PDCL3: variants seen among roughly 807,000 people sequenced by gnomAD.
PDCL3 encodes phosducin like 3.
A neutral mutation model predicts 26.5 loss-of-function variants in PDCL3; 22 were observed. The ratio of observed to expected loss-of-function variants is 0.83; its 90% CI spans 0.59 to 1.19. The LOEUF is 1.19. Among genes scored for constraint, PDCL3 ranks in the 50% most tolerant of loss-of-function variants. The pLI, the probability that PDCL3 is intolerant of heterozygous loss-of-function variation, is 0.00. For missense variants in PDCL3, 246 were observed against 294.1 expected (o/e 0.84, Z 1.20); for synonymous variants, 81 against 104.9 (o/e 0.77, Z 1.39).
At chr2:100,568,894 T>A (rs762459473) in intron 2 of PDCL3, 37 bp from the exon 3 acceptor site, 27 of 1,531,482 alleles carry the variant, frequency 1.8e-5, no homozygotes, top group Non-Finnish European at 2.4e-5. Context: ...GTTCATCTTT[T>A]TAAATTTTTG....
In PDCL3 at chr2:100,568,838, A is replaced by G. The variant is rs1386537485; in HGVS notation, c.134-93A>G. The G allele has an allele frequency of 4.1e-6, 4 of 986,794 alleles. No homozygotes were observed. The Admixed American group carries it at 5.5e-5, about 14-fold the overall frequency. The allele number at this position is 986,794 out of a possible 1,614,324, so 61.1% of individuals were successfully genotyped here. A position where few individuals can be genotyped will look rare whatever the true frequency, so the allele number is the denominator to read the frequency against. On this transcript the variant is annotated intron_variant, in intron 2 of 5. Coordinates refer to ENST00000264254, the MANE Select transcript of PDCL3 (RefSeq NM_024065.5). ...AGGCTAAGGATCTGGTGTTGTGTGC[A>G]TATCTTTAGGAGAAAAGAGAGGGGA...
intron 1 of PDCL3, among the ~76,000 whole-genome samples, chr2:100,564,546 T>C (rs1675022038): frequency 1.3e-5 from 2 of 152,108 alleles, no homozygotes; most frequent in South Asian, 4.1e-4. Flanking sequence ...TCTGCCCGCC[T>C]AGGCCTTCCA....
intron 1 of PDCL3, among the ~76,000 whole-genome samples, chr2:100,563,743 T>A (rs1675002856): frequency 2.0e-5 from 3 of 151,918 alleles, no homozygotes; most frequent in Admixed American, 1.3e-4. Context: ...TGGGCACTAT[T>A]GTGGGTGAAA....
rs528310783 is a variant in PDCL3, at chr2:100,565,714, G to T, written c.7-789G>T. ...GGGTAATTCTCTAAAATGGCAGCCT[G>T]TTTGTCATTGCACTTGCCACAATTT... is the stretch of plus-strand genomic sequence containing the variant. On this transcript the variant is annotated intron_variant, in intron 1 of 5. Transcript: ENST00000264254. Among the ~76,000 whole-genome samples, 18 of 152,264 alleles carry T rather than the reference G, an allele frequency of 1.2e-4. No individual in the cohort carries two copies. The South Asian group carries it at 3.5e-3, about 30-fold the overall frequency.
chr2:100,574,777 A>G (rs763602815), intron 5 of PDCL3, among the ~76,000 whole-genome samples: 2 of 152,224 alleles, frequency 1.3e-5, no homozygotes, highest in Non-Finnish European at 2.9e-5. Context: ...CCACCATTCT[A>G]TTCTCTGTTT....
chr2:100,574,189 A>G (rs1054107556), intron 5 of PDCL3, among the ~76,000 whole-genome samples: 5 of 151,990 alleles, frequency 3.3e-5, no homozygotes, highest in Non-Finnish European at 7.4e-5. Context: ...TTTTTAGTAG[A>G]GACGGTTTCA....
In PDCL3 at chr2:100,566,556, A is replaced by G. The variant is rs756670421; in HGVS notation, c.60A>G (p.Leu20=). 6.2e-7 allele frequency: 1 copy of G among 1,613,756 alleles called. No individual in the cohort carries two copies. Among genetic ancestry groups the G allele is most frequent in the Admixed American group, 1.7e-5 (1 of 59,988 alleles). ...WNDILRKKGI[L]PPKESLKELE... ...ACATCTTACGCAAAAAGGGTATCTT[A>G]CCCCCCAAGGAAAGTCTGAAAGAAT... Residue 20 remains leucine (L), a synonymous_variant, in exon 2 of 6, where the codon TTA becomes TTG. Transcript: ENST00000264254.
chr2:100,566,519 C>A lies in PDCL3; in HGVS notation c.23C>A (p.Thr8Asn). 6.2e-7 allele frequency: 1 copy of A among 1,612,646 alleles called. No homozygotes were observed. Among genetic ancestry groups the A allele is most frequent in the Non-Finnish European group, 8.5e-7 (1 of 1,179,838 alleles). MQDPNAD[T>N]EWNDILRKKG... The stretch of plus-strand genomic sequence containing the variant: ...CTCTTCTAGGACCCCAACGCAGACA[C>A]TGAATGGAATGACATCTTACGCAAA... The change falls in exon 2 of 6, where the codon ACT becomes AAT. Residue 8 changes from threonine (T) to asparagine (N), a missense_variant. Physicochemically the swap from Thr to Asn is moderately conservative, Grantham distance 65. Coordinates refer to ENST00000264254, the MANE Select transcript of PDCL3 (RefSeq NM_024065.5).
Position 100,569,607 on chromosome 2 carries a change from C to T in PDCL3, c.254C>T (p.Thr85Ile), listed in dbSNP as rs1177311831. Reference sequence around the variant, plus strand: ...CGGAGACTGGCTGAGTGGAAAGCAACTAAACTGAAGAATAAATTCGGAGAA... The same window carrying T: ...CGGAGACTGGCTGAGTGGAAAGCAATTAAACTGAAGAATAAATTCGGAGAA... ...RRRRLAEWKA[T>I]KLKNKFGEVL... The change falls in exon 4 of 6, where the codon ACT becomes ATT. Residue 85 changes from threonine to isoleucine, a missense_variant. Transcript: ENST00000264254. The T allele has an allele frequency of 1.2e-6, 2 of 1,613,654 alleles. No individual in the cohort carries two copies. Among genetic ancestry groups the T allele is most frequent in the Admixed American group, 3.3e-5 (2 of 59,978 alleles).
chr2:100,575,167 G>A (rs906321952), intron 5 of PDCL3, among the ~76,000 whole-genome samples: 1 of 152,094 alleles, frequency 6.6e-6, no homozygotes, highest in Non-Finnish European at 1.5e-5. Flanking sequence ...AGACAGTCTC[G>A]CTGTGTCGCC....
intron 4 of PDCL3, 97 bp downstream of exon 4, chr2:100,569,818 T>A: frequency 6.9e-7 from 1 of 1,446,116 alleles, no homozygotes; most frequent in South Asian, 1.5e-5. Flanking sequence ...AGAAATTTTT[T>A]TTTCTGGGCC....
At chr2:100,566,669 G>A (rs776529831) in intron 2 of PDCL3, 40 bp downstream of exon 2, 1 of 1,610,046 alleles carries the variant, frequency 6.2e-7, no homozygotes, top group Non-Finnish European at 8.5e-7. Flanking sequence ...TCTGGGTTAG[G>A]AGATGGCTCC....
chr2:100,575,309 G>C (rs144612111), intron 5 of PDCL3, among the ~76,000 whole-genome samples: 1,650 of 152,156 alleles, frequency 0.011, 30 homozygotes, highest in African/African-American at 0.038. Flanking sequence ...CTAATTTTTT[G>C]TATTTTTAGT....
rs1050957750 is a variant in PDCL3, at chr2:100,571,787, T to C, written c.566T>C (p.Leu189Pro). ...CCTCTGGTGTTTGGCGGCATGAACCTGACAAGAGATGGTAAGGGCTCTGGG... is the reference window on the plus strand; with the variant it reads ...CCTCTGGTGTTTGGCGGCATGAACCCGACAAGAGATGGTAAGGGCTCTGGG... ...IGPLVFGGMN[L>P]TRDELEWKLS... The change falls in exon 5 of 6, where the codon CTG becomes CCG. Residue 189 changes from leucine (L) to proline (P), a missense_variant. Physicochemically the swap from Leu to Pro is moderately conservative, Grantham distance 98 (BLOSUM62 -3). Coordinates refer to ENST00000264254, the MANE Select transcript of PDCL3 (RefSeq NM_024065.5). The C allele has an allele frequency of 7.4e-6, 12 of 1,614,006 alleles. No individual in the cohort carries two copies. In the African/African-American group the frequency reaches 1.6e-4, roughly 22 times the overall value.
chr2:100,570,732 T>C (rs1292080837), intron 4 of PDCL3, among the ~76,000 whole-genome samples: 1 of 152,052 alleles, frequency 6.6e-6, no homozygotes, highest in African/African-American at 2.4e-5. Flanking sequence ...CATCTTGGCC[T>C]CCCAAAGTGC....
chr2:100,569,738 C>G lies in PDCL3; in HGVS notation c.368+17C>G. On this transcript the variant is annotated intron_variant, in intron 4 of 5. Coordinates refer to ENST00000264254, the MANE Select transcript of PDCL3 (RefSeq NM_024065.5). ...CAAACAAGGGTGAGCTGATCTTCCA[C>G]TCCATCTATCAAATGTTAATTTGAA... The G allele has an allele frequency of 6.3e-7, 1 of 1,599,574 alleles. No individual in the cohort carries two copies. The highest frequency in any genetic ancestry group is 8.5e-7 in the Non-Finnish European group (1 of 1,173,034).
At position 100,576,381 on chromosome 2, in the gene PDCL3, G is replaced by C. The variant is rs772103548; in HGVS notation, c.605G>C (p.Gly202Ala). The change falls in exon 6 of 6, where the codon GGA (glycine) becomes GCA (alanine). Residue 202 changes from glycine to alanine, a missense_variant. Coordinates refer to ENST00000264254, the MANE Select transcript of PDCL3 (RefSeq NM_024065.5). ...TTGGAATGGAAACTGTCTGAATCTG[G>C]AGCAATTATGACAGACCTGGAGGAA... ...DELEWKLSESGAIMTDLEENP... is the reference protein window; with the variant it reads ...DELEWKLSESAAIMTDLEENP... 2 of 1,613,934 alleles carry C rather than the reference G, an allele frequency of 1.2e-6. No homozygotes were observed. The highest frequency in any genetic ancestry group is 1.7e-6 in the Non-Finnish European group (2 of 1,179,858).
At chr2:100,572,152 T>C (rs1036183431) in intron 5 of PDCL3, 8 of 253,198 alleles carry the variant, frequency 3.2e-5, no homozygotes, top group African/African-American at 6.9e-5. Flanking sequence ...ATGTATGTAT[T>C]TGTATTTTTC....
At chr2:100,573,638 A>G (rs529499368) in intron 5 of PDCL3, among the ~76,000 whole-genome samples, 2 of 149,666 alleles carry the variant, frequency 1.3e-5, no homozygotes, top group South Asian at 4.2e-4. Flanking sequence ...ATGCCATTGC[A>G]CTCCAGCCTG....
Sources: allele counts gnomAD v4.1 joint callset (sites outside exome capture counted in the v4.1 genomes callset), GRCh38; gene constraint gnomAD v4.1.1; transcripts MANE v1.5; gene names NCBI Gene and HGNC (gene_info 2026-07-23, HGNC 2026-07-21).